PARD3B: variants seen among roughly 807,000 people sequenced by gnomAD.
PARD3B encodes partitioning defective 3 homolog B.
A neutral mutation model predicts 130.2 loss-of-function variants in PARD3B; 103 were observed. The ratio of observed to expected loss-of-function variants is 0.79; its 90% CI spans 0.67 to 0.93. PARD3B has a LOEUF of 0.93. Ranked by LOEUF, PARD3B falls within the 40% of genes least tolerant of loss-of-function variation. The pLI, the probability that PARD3B is intolerant of heterozygous loss-of-function variation, is 0.00. For missense variants in PARD3B, 1,609 were observed against 1,499.2 expected (o/e 1.07, Z -1.21); for synonymous variants, 583 against 553.2 (o/e 1.05, Z -0.76).
At position 204,670,958 on chromosome 2, in the gene PARD3B, C is replaced by T. The variant is rs542083407; in HGVS notation, c.121-15223C>T. On this transcript the variant is annotated intron_variant, in intron 1 of 22. Coordinates refer to ENST00000406610, the MANE Select transcript of PARD3B (RefSeq NM_001302769.2). ...TTGATTTTGGACTTTTTCCTAGGAACATTGCTCCTGGAGCCCTTCTTCATT... is the reference window on the plus strand; with the variant it reads ...TTGATTTTGGACTTTTTCCTAGGAATATTGCTCCTGGAGCCCTTCTTCATT... Among the ~76,000 whole-genome samples the T allele has an allele frequency of 5.9e-5, 9 of 152,220 alleles. No individual in the cohort carries two copies. In the South Asian group the frequency reaches 1.9e-3, roughly 32 times the overall value.
At chr2:204,583,867 A>G (rs904727266) in intron 1 of PARD3B, among the ~76,000 whole-genome samples, 4 of 152,278 alleles carry the variant, frequency 2.6e-5, no homozygotes, top group Non-Finnish European at 4.4e-5. Context: ...ACATCATTTG[A>G]CCTTGTTCAG....
At chr2:205,215,279 T>C (rs909907380) in intron 15 of PARD3B, among the ~76,000 whole-genome samples, 1 of 142,742 alleles carries the variant, frequency 7.0e-6, no homozygotes, top group Non-Finnish European at 1.5e-5. Context: ...TACATTGTTC[T>C]TTTTTTTTTT....
intron 2 of PARD3B, among the ~76,000 whole-genome samples, chr2:204,905,507 C>T (rs1281274629): frequency 1.3e-5 from 2 of 152,094 alleles, no homozygotes; most frequent in African/African-American, 2.4e-5. Context: ...AGTCAAGTGG[C>T]CAAATATAAA....
At chr2:205,297,951 C>G (rs2041855565) in intron 16 of PARD3B, among the ~76,000 whole-genome samples, 1 of 152,160 alleles carries the variant, frequency 6.6e-6, no homozygotes, top group Non-Finnish European at 1.5e-5. Flanking sequence ...CCTTAATGTT[C>G]AGTTTGCTTA....
intron 1 of PARD3B, among the ~76,000 whole-genome samples, chr2:204,622,952 A>G (rs1359168255): frequency 6.6e-6 from 1 of 152,188 alleles, no homozygotes; most frequent in Non-Finnish European, 1.5e-5. Context: ...AGATATTTCT[A>G]AGTATGTTTG....
chr2:205,110,550 A>G (rs1396930369), intron 5 of PARD3B, among the ~76,000 whole-genome samples: 1 of 151,112 alleles, frequency 6.6e-6, no homozygotes, highest in Non-Finnish European at 1.5e-5. Flanking sequence ...AGCTATTTTG[A>G]TCTTAGTAAA....
At chr2:205,475,027 A>G (rs192101631) in intron 20 of PARD3B, among the ~76,000 whole-genome samples, 28 of 152,200 alleles carry the variant, frequency 1.8e-4, no homozygotes, top group African/African-American at 6.3e-4. Context: ...CAACAAATCT[A>G]TGTATATTTA....
rs114284035 is a variant in PARD3B at position 205,277,068 on chromosome 2, G to C, written c.2186-23462G>C. Among the ~76,000 whole-genome samples the C allele has an allele frequency of 7.6e-3, 1,160 of 152,286 alleles. 4 individuals carry two copies. The highest frequency in any genetic ancestry group is 0.024 in the Middle Eastern group (7 of 294). ...TTAAACAAGAGTCCATGCTCTTCAG[G>C]AATTAAGGAGAGGCAACCTTCTAGG... On this transcript the variant is annotated intron_variant, in intron 16 of 22. Transcript: ENST00000406610.
intron 2 of PARD3B, among the ~76,000 whole-genome samples, chr2:204,809,033 T>C (rs565663702): frequency 6.6e-6 from 1 of 152,312 alleles, no homozygotes; most frequent in East Asian, 1.9e-4. Context: ...TGATGAGTGA[T>C]GATGAGCTTT....
At chr2:205,234,007 T>C (rs927426487) in intron 15 of PARD3B, among the ~76,000 whole-genome samples, 30 of 151,814 alleles carry the variant, frequency 2.0e-4, no homozygotes, top group African/African-American at 7.0e-4. Flanking sequence ...CTAATAATAA[T>C]ACAAAAAATA....
intron 19 of PARD3B, among the ~76,000 whole-genome samples, chr2:205,406,210 A>G (rs2046411912): frequency 6.6e-6 from 1 of 152,186 alleles, no homozygotes; most frequent in African/African-American, 2.4e-5. Context: ...ATTCCGTTCT[A>G]CTTTATCAGT....
Position 205,176,486 on chromosome 2 carries a change from G to C in PARD3B, c.1833G>C (p.Glu611Asp). ...GGGCATTTTCCAAGCCATGCTTTGAGAACTGTCAAAATGCTGTAACCACCT... is the reference window on the plus strand; with the variant it reads ...GGGCATTTTCCAAGCCATGCTTTGACAACTGTCAAAATGCTGTAACCACCT... ...ECGAFSKPCF[E>D]NCQNAVTTSR... is the part of the protein sequence containing the mutation. Residue 611 changes from glutamate to aspartate, a missense_variant, in exon 13 of 23, where the codon GAG (glutamate) becomes GAC (aspartate). Physicochemically the swap from Glu to Asp is conservative, Grantham distance 45. Coordinates refer to ENST00000406610, the MANE Select transcript of PARD3B (RefSeq NM_001302769.2). This position sits in a 1 kb window ranked among gnomAD's most constrained non-coding sequence, Gnocchi z 5.3. The C allele has an allele frequency of 6.2e-7, 1 of 1,612,414 alleles. No homozygotes were observed. Among genetic ancestry groups the C allele is most frequent in the Non-Finnish European group, 8.5e-7 (1 of 1,179,024 alleles).
At chr2:204,808,433 A>G (rs2125517356) in intron 2 of PARD3B, among the ~76,000 whole-genome samples, 1 of 152,224 alleles carries the variant, frequency 6.6e-6, no homozygotes, top group South Asian at 2.1e-4. Context: ...TTATTTTATC[A>G]CCTGTGTACT....
At chr2:205,486,413 T>C (rs1422498093) in intron 20 of PARD3B, among the ~76,000 whole-genome samples, 1 of 152,176 alleles carries the variant, frequency 6.6e-6, no homozygotes, top group Admixed American at 6.5e-5. Context: ...GGGAGCTAAG[T>C]AGATGCTAAC....
chr2:205,442,587 C>T (rs999821843), intron 20 of PARD3B, among the ~76,000 whole-genome samples: 3 of 152,076 alleles, frequency 2.0e-5, no homozygotes, highest in African/African-American at 4.8e-5. Context: ...AGGCATAAGC[C>T]GCCGGGCCTG....
chr2:204,648,356 G>A (rs1403230941), intron 1 of PARD3B, among the ~76,000 whole-genome samples: 1 of 150,426 alleles, frequency 6.6e-6, no homozygotes, highest in Admixed American at 6.7e-5. Flanking sequence ...ACCATTAGAT[G>A]CCCACTGGTG....
intron 18 of PARD3B, among the ~76,000 whole-genome samples, chr2:205,383,726 C>G (rs947969570): frequency 6.6e-6 from 1 of 152,016 alleles, no homozygotes; most frequent in Admixed American, 6.6e-5. Flanking sequence ...AGATTTCCCC[C>G]TCACCCCTCA....
chr2:204,877,504 A>G (rs1328573696), intron 2 of PARD3B, among the ~76,000 whole-genome samples: 2 of 152,208 alleles, frequency 1.3e-5, no homozygotes, highest in African/African-American at 4.8e-5. Flanking sequence ...CTGCCAGACT[A>G]GCGTATGTGC....
At chr2:205,391,983 G>T (rs1046944849) in intron 18 of PARD3B, among the ~76,000 whole-genome samples, 2 of 151,884 alleles carry the variant, frequency 1.3e-5, no homozygotes, top group African/African-American at 4.8e-5. Context: ...CTTACAAATC[G>T]TCCATTCAGA....
Sources: gnomAD v4.1 joint callset for allele counts (sites outside exome capture counted in the v4.1 genomes callset) on GRCh38, gnomAD v4.1.1 for gene constraint, Gnocchi (gnomAD v3.1) non-coding constraint, MANE v1.5 for transcripts, NCBI Gene and HGNC (gene_info 2026-07-23, HGNC 2026-07-21) for gene names.